COG5: variants seen among roughly 807,000 people sequenced by gnomAD.
COG5 encodes conserved oligomeric Golgi complex subunit 5.
A neutral mutation model predicts 110.4 loss-of-function variants in COG5; 86 were observed. The ratio of observed to expected loss-of-function variants is 0.78; its 90% CI spans 0.65 to 0.93. The LOEUF is 0.93. Ranked by LOEUF, COG5 falls within the 40% of genes least tolerant of loss-of-function variation. The probability of loss-of-function intolerance (pLI) is 0.00; values close to 1 mark genes in which losing one functional copy is unlikely to be tolerated. For missense variants in COG5, 1,077 were observed against 987.0 expected, an observed-to-expected ratio of 1.09 and a Z score of -1.22; for synonymous variants, 360 against 334.6, an observed-to-expected ratio of 1.08 and a Z score of -0.83.
At chr7:107,514,253 GAAT>G (rs1799757623) in intron 6 of COG5, among the ~76,000 whole-genome samples, 1 of 150,070 alleles carries the variant, frequency 6.7e-6, no homozygotes, top group Non-Finnish European at 1.5e-5. Flanking sequence ...CTTTAAAATA[GAAT>G]ATTAAGTTAC....
At chr7:107,550,936 A>G (rs1386928250) in intron 3 of COG5, among the ~76,000 whole-genome samples, 1 of 151,968 alleles carries the variant, frequency 6.6e-6, no homozygotes, top group Non-Finnish European at 1.5e-5. Context: ...ATAGTTCCAA[A>G]AGGACAGTGA....
At chr7:107,327,108 C>A (rs907043412) in intron 10 of COG5, among the ~76,000 whole-genome samples, 1 of 151,894 alleles carries the variant, frequency 6.6e-6, no homozygotes, top group Non-Finnish European at 1.5e-5. Flanking sequence ...GACATAGGGA[C>A]CAATGGAGTA....
intron 7 of COG5, among the ~76,000 whole-genome samples, chr7:107,383,969 GT>G (rs1035011174): frequency 6.6e-6 from 1 of 151,924 alleles, no homozygotes; most frequent in South Asian, 2.1e-4. Flanking sequence ...AAAGGATAAA[GT>G]TTTTTTTGCC....
chr7:107,232,673 T>G (rs1800861722), intron 18 of COG5, among the ~76,000 whole-genome samples: 1 of 152,214 alleles, frequency 6.6e-6, no homozygotes, highest in South Asian at 2.1e-4. Context: ...TAAAATAAAA[T>G]TTTTTTATCC....
intron 14 of COG5, among the ~76,000 whole-genome samples, chr7:107,260,767 A>G (rs1343445795): frequency 6.6e-6 from 1 of 152,160 alleles, no homozygotes; most frequent in Non-Finnish European, 1.5e-5. Context: ...TCATGCCAAA[A>G]ACAAAGAACA....
intron 5 of COG5, among the ~76,000 whole-genome samples, chr7:107,534,526 TCTGA>T (rs1382476795): frequency 6.7e-6 from 1 of 148,724 alleles, no homozygotes; most frequent in Non-Finnish European, 1.5e-5. Context: ...AATCCTAGTC[TCTGA>T]CTGTTTAGAC....
chr7:107,250,225 C>T (rs539621599), intron 16 of COG5, among the ~76,000 whole-genome samples: 1 of 152,152 alleles, frequency 6.6e-6, no homozygotes, highest in South Asian at 2.1e-4. Flanking sequence ...AAGGAGAGAG[C>T]CAGAGAAGAC....
At chr7:107,291,794 G>C (rs1417356855) in intron 12 of COG5, among the ~76,000 whole-genome samples, 2 of 152,148 alleles carry the variant, frequency 1.3e-5, no homozygotes, top group African/African-American at 4.8e-5. Flanking sequence ...GCTCCTCCCA[G>C]CTGTCTTATT....
At chr7:107,327,497 TA>T (rs1018930422) in intron 10 of COG5, among the ~76,000 whole-genome samples, 2 of 151,472 alleles carry the variant, frequency 1.3e-5, no homozygotes, top group African/African-American at 4.9e-5. Flanking sequence ...ATCAATAGAG[TA>T]AAAAGGCAAC....
At chr7:107,435,589 G>A (rs900675601) in intron 6 of COG5, among the ~76,000 whole-genome samples, 7 of 152,014 alleles carry the variant, frequency 4.6e-5, no homozygotes, top group African/African-American at 1.5e-4. Flanking sequence ...GGAGGCAAGG[G>A]TTGCAGTGAG....
At chr7:107,327,942 G>A (rs1170475508) in intron 10 of COG5, among the ~76,000 whole-genome samples, 1 of 152,162 alleles carries the variant, frequency 6.6e-6, no homozygotes, top group Non-Finnish European at 1.5e-5. Context: ...GGGTATATAA[G>A]TAAAAGAGCT....
At chr7:107,401,560 A>G (rs917373069) in intron 7 of COG5, among the ~76,000 whole-genome samples, 9 of 152,186 alleles carry the variant, frequency 5.9e-5, no homozygotes, top group Admixed American at 4.6e-4. Flanking sequence ...TTTGAAGGTC[A>G]TAAAGGAAAT....
chr7:107,315,560 T>C (rs994174631), intron 11 of COG5, among the ~76,000 whole-genome samples: 19 of 142,664 alleles, frequency 1.3e-4, no homozygotes, highest in East Asian at 6.1e-4. Context: ...TACCTTCTAA[T>C]AGAACTTTTT....
intron 5 of COG5, among the ~76,000 whole-genome samples, chr7:107,528,236 C>T (rs1205180272): frequency 3.3e-5 from 5 of 151,902 alleles, no homozygotes; most frequent in Non-Finnish European, 4.4e-5. Context: ...GGACTACAGG[C>T]GTGTGCCACC....
At chr7:107,559,127 A>G (rs1803574831) in intron 1 of COG5, among the ~76,000 whole-genome samples, 1 of 152,074 alleles carries the variant, frequency 6.6e-6, no homozygotes, top group Non-Finnish European at 1.5e-5. Context: ...GGAAATATAA[A>G]TTTATAGGTG....
chr7:107,429,479 A>G (rs936685255), intron 6 of COG5, among the ~76,000 whole-genome samples: 1 of 148,202 alleles, frequency 6.7e-6, no homozygotes, highest in Non-Finnish European at 1.5e-5. Flanking sequence ...TTTTTAAGAG[A>G]TGGGGTCTTG....
chr7:107,249,805 T>A (rs1287289554), intron 16 of COG5, among the ~76,000 whole-genome samples: 1 of 151,608 alleles, frequency 6.6e-6, no homozygotes, highest in South Asian at 2.1e-4. Context: ...ACGTTATGCA[T>A]GTTGAGTAAC....
chr7:107,306,066 T>TCAAATACTAAGGGCCATACAG (rs1807689183), intron 11 of COG5, among the ~76,000 whole-genome samples: 1 of 152,104 alleles, frequency 6.6e-6, no homozygotes, highest in Non-Finnish European at 1.5e-5. Context: ...TATATAAAAG[T>TCAAATACTAAGGGCCATACAG]CAAATACTAA....
chr7:107,546,803 T>C (rs141181889), intron 5 of COG5, among the ~76,000 whole-genome samples: 259 of 152,184 alleles, frequency 1.7e-3, no homozygotes, highest in African/African-American at 5.9e-3. Flanking sequence ...TTTCTAGACA[T>C]ATACAACTTA....
Sources: allele counts gnomAD v4.1 joint callset (sites outside exome capture counted in the v4.1 genomes callset), GRCh38; gene constraint gnomAD v4.1.1; transcripts MANE v1.5; gene names NCBI Gene and HGNC (gene_info 2026-07-23, HGNC 2026-07-21).